The following RBFOX2 variants were observed in gnomAD, a reference collection of about 807,000 sequenced individuals.
RBFOX2 encodes RNA binding protein fox-1 homolog 2.
RBFOX2 carries 10 observed loss-of-function variants against 49.1 expected under a neutral mutation model. The ratio of observed to expected loss-of-function variants is 0.20; its 90% CI spans 0.13 to 0.35. RBFOX2 has a LOEUF of 0.35. Ranked by LOEUF, RBFOX2 falls within the 10% of genes least tolerant of loss-of-function variation. RBFOX2 has a pLI of 1.00. For synonymous variants in RBFOX2, 183 were observed against 187.4 expected (o/e 0.98, Z 0.19); for missense variants, 323 against 486.9 (o/e 0.66, Z 3.17).
chr22:35,834,620 T>A (rs939055019), intron 1 of RBFOX2, among the ~76,000 whole-genome samples: 2 of 152,052 alleles, frequency 1.3e-5, no homozygotes, highest in African/African-American at 2.4e-5. Context: ...GAAGAAATAT[T>A]CAAGAGTAGA....
At chr22:35,989,926 A>G (rs1336881499) in intron 1 of RBFOX2, among the ~76,000 whole-genome samples, 3 of 152,212 alleles carry the variant, frequency 2.0e-5, no homozygotes, top group Non-Finnish European at 4.4e-5. Flanking sequence ...TCACACCTAC[A>G]ATCCCAGCAG....
At chr22:35,996,244 T>C (rs1254078866) in intron 1 of RBFOX2, 3 of 152,120 alleles carry the variant, frequency 2.0e-5, no homozygotes, top group African/African-American at 4.8e-5. Flanking sequence ...GGGGATACCA[T>C]TCCCCTCACC....
At position 35,893,986 on chromosome 22, in the gene RBFOX2, A is replaced by G. The variant is rs145246769; in HGVS notation, c.-34+44861T>C. ...TGCCATCTTTGCAACGGACTGTAAGATGTTCTTGTCTTAACAACTAAAAAT... is the reference window on the plus strand; with the variant it reads ...TGCCATCTTTGCAACGGACTGTAAGGTGTTCTTGTCTTAACAACTAAAAAT... On this transcript the variant is annotated intron_variant, in intron 1 of 13. Transcript: ENST00000359369. 2.9e-3 allele frequency among the ~76,000 whole-genome samples: 435 copies of G among 152,218 alleles called. 1 individual carries two copies. The highest frequency in any genetic ancestry group is 0.017 in the Middle Eastern group (5 of 294).
intron 1 of RBFOX2, among the ~76,000 whole-genome samples, chr22:35,863,323 AAGG>A (rs1167192734): frequency 2.0e-5 from 3 of 152,186 alleles, no homozygotes; most frequent in Non-Finnish European, 4.4e-5. Flanking sequence ...TCAATAAATA[AAGG>A]AGGAGAGAAA....
intron 1 of RBFOX2, among the ~76,000 whole-genome samples, chr22:36,005,854 C>G (rs1423172049): frequency 7.2e-5 from 11 of 152,214 alleles, no homozygotes. Flanking sequence ...GTAGCTTAGA[C>G]AAGTATCTTA....
intron 1 of RBFOX2, among the ~76,000 whole-genome samples, chr22:35,974,284 T>A (rs2057031714): frequency 1.1e-4 from 16 of 151,708 alleles, no homozygotes; most frequent in Admixed American, 1.1e-3. Context: ...AGAAAAGGAG[T>A]TTTTAGATTT....
intron 1 of RBFOX2, among the ~76,000 whole-genome samples, chr22:35,901,581 C>G (rs1378207380): frequency 6.6e-6 from 1 of 152,186 alleles, no homozygotes; most frequent in Non-Finnish European, 1.5e-5. Flanking sequence ...ACTGCTACTA[C>G]TGATGTCATT....
At chr22:35,968,496 T>C (rs1316103810) in intron 1 of RBFOX2, among the ~76,000 whole-genome samples, 1 of 31,616 alleles carries the variant, frequency 3.2e-5, no homozygotes, top group African/African-American at 3.1e-4. Flanking sequence ...CAAGACTCTG[T>C]CAGTAAGCTT....
At chr22:35,755,309 C>T (rs1443363489) in intron 9 of RBFOX2, among the ~76,000 whole-genome samples, 1 of 152,166 alleles carries the variant, frequency 6.6e-6, no homozygotes, top group Non-Finnish European at 1.5e-5. Flanking sequence ...TGTACTTTGT[C>T]AATTATATCA....
chr22:35,744,236 C>T (rs1038642382), exon 12 of RBFOX2: 1 of 1,610,678 alleles, frequency 6.2e-7, no homozygotes, highest in Admixed American at 1.7e-5. Context: ...GTAGCCACCT[C>T]GGTATAAACT....
intron 1 of RBFOX2, among the ~76,000 whole-genome samples, chr22:35,823,751 A>G (rs947555266): frequency 1.0e-4 from 16 of 152,382 alleles, no homozygotes; most frequent in African/African-American, 3.1e-4. Flanking sequence ...TAAAAGGAAA[A>G]TAAGAAGTGT....
chr22:35,744,278 TA>T, intron 11 of RBFOX2, 29 bp from the exon 14 acceptor site: 1 of 1,590,844 alleles, frequency 6.3e-7, no homozygotes, highest in Admixed American at 1.7e-5. Context: ...TAAAAATAAT[TA>T]AAAGGTTGAT....
intron 1 of RBFOX2, among the ~76,000 whole-genome samples, chr22:35,985,559 A>C (rs1470250869): frequency 6.6e-6 from 1 of 152,186 alleles, no homozygotes; most frequent in East Asian, 1.9e-4. Flanking sequence ...CCAATGTTTA[A>C]ATGTTAAATC....
chr22:35,927,604 CAAAAAAAAA>C (rs361700), intron 1 of RBFOX2, among the ~76,000 whole-genome samples: 1 of 49,186 alleles, frequency 2.0e-5, no homozygotes, highest in African/African-American at 7.5e-5. Flanking sequence ...AACTCCGTCT[CAAAAAAAAA>C]AAAAAAAAAA....
intron 1 of RBFOX2, among the ~76,000 whole-genome samples, chr22:35,955,239 A>G (rs1335356863): frequency 6.6e-6 from 1 of 152,204 alleles, no homozygotes; most frequent in African/African-American, 2.4e-5. Context: ...ACACTTTAAA[A>G]AATTACCAAA....
intron 9 of RBFOX2, among the ~76,000 whole-genome samples, chr22:35,751,037 G>T (rs531427625): frequency 2.6e-5 from 4 of 152,052 alleles, no homozygotes; most frequent in African/African-American, 9.7e-5. Context: ...ACTTTATGAT[G>T]TTGCCACGTT....
At chr22:35,969,518 G>C (rs1443385308) in intron 1 of RBFOX2, among the ~76,000 whole-genome samples, 1 of 152,090 alleles carries the variant, frequency 6.6e-6, no homozygotes. Context: ...AGGTTGCAGT[G>C]AGCCGAGATC....
exon 12 of RBFOX2, chr22:35,741,293 C>A (rs915739560): frequency 6.6e-6 from 1 of 152,208 alleles, no homozygotes; most frequent in African/African-American, 2.4e-5. Context: ...TATAGTAAAG[C>A]TGAAAAAGAA....
rs1197525994 is a variant in RBFOX2, at chr22:35,852,666, T to C, written c.-33-42662A>G. On this transcript the variant is annotated intron_variant, in intron 1 of 13. Transcript: ENST00000359369. ...TATAAGCTAGTATCTTAAATCACTA[T>C]TAAATCTCCTAAGATTCTTCTTGAT... is the stretch of plus-strand genomic sequence containing the variant. Among the ~76,000 whole-genome samples the C allele has an allele frequency of 2.0e-5, 3 of 152,194 alleles. No homozygotes were observed. In the East Asian group the frequency reaches 5.8e-4, roughly 29 times the overall value.
Sources: gnomAD v4.1 joint callset for allele counts (sites outside exome capture counted in the v4.1 genomes callset) on GRCh38, gnomAD v4.1.1 for gene constraint, MANE v1.5 for transcripts, NCBI Gene and HGNC (gene_info 2026-07-23, HGNC 2026-07-21) for gene names.